The following RIF1 variants were observed in gnomAD, a reference collection of about 807,000 sequenced individuals.
The protein encoded by RIF1 is replication timing regulatory factor 1.
A neutral mutation model predicts 247.1 loss-of-function variants in RIF1; 45 were observed. The ratio of observed to expected loss-of-function variants is 0.18; its 90% CI spans 0.14 to 0.23. RIF1 has a LOEUF of 0.23. Ranked by LOEUF, RIF1 falls within the 10% of genes least tolerant of loss-of-function variation. RIF1 has a pLI of 1.00. For missense variants in RIF1, 2,967 were observed against 2,862.5 expected (o/e 1.04, Z -0.83); for synonymous variants, 1,087 against 978.8 (o/e 1.11, Z -2.06).
At position 151,464,247 on chromosome 2, in the gene RIF1, G is replaced by C; in HGVS notation, c.4727G>C (p.Ser1576Thr). 1 of 1,613,882 alleles carries C rather than the reference G, an allele frequency of 6.2e-7. No individual in the cohort carries two copies. Residue 1576 changes from serine (S) to threonine (T), a missense_variant, in exon 30 of 36, where the codon AGC becomes ACC. Physicochemically the swap from Ser to Thr is moderately conservative, Grantham distance 58. Around this residue, in one of 7 missense-constraint regions of RIF1, gnomAD observed 2,028 missense variants for 1,825.6 expected, o/e 1.11. Transcript: ENST00000444746. ...AGATCTGGAAAATGGAAAAACAAAAGCAATGAAAGTGTTGACATTCAAGAT... is the reference window on the plus strand; with the variant it reads ...AGATCTGGAAAATGGAAAAACAAAACCAATGAAAGTGTTGACATTCAAGAT... ...KKRSGKWKNK[S>T]NESVDIQDQE...
At chr2:151,497,575 A>C (rs572112088) in intron 10 of RIF1, 85 of 1,536,696 alleles carry the variant, frequency 5.5e-5, no homozygotes, top group Admixed American at 8.2e-5. Flanking sequence ...AAATCATGAA[A>C]GTTTTCAAAA....
rs1686623495 is a variant in RIF1 at position 151,413,363 on chromosome 2, A to G, written c.184-1460A>G. Among the ~76,000 whole-genome samples, 3 of 152,178 alleles carry G rather than the reference A, an allele frequency of 2.0e-5. No homozygotes were observed. The South Asian group carries it at 6.2e-4, about 32-fold the overall frequency. On this transcript the variant is annotated intron_variant, in intron 3 of 35. Transcript: ENST00000444746. ...GAGTCAAGTTGCATTGTTCGTAAAT[A>G]GGATTTGTACCTGAAATTATTTGGA...
At chr2:151,427,254 C>G (rs1689263082) in intron 8 of RIF1, among the ~76,000 whole-genome samples, 1 of 151,312 alleles carries the variant, frequency 6.6e-6, no homozygotes. Flanking sequence ...CTCTTGTTGC[C>G]CAGGCTGGAG....
chr2:151,424,822 CTGAT>C (rs2152233644), intron 8 of RIF1, among the ~76,000 whole-genome samples: 1 of 107,024 alleles, frequency 9.3e-6, no homozygotes, highest in Non-Finnish European at 1.8e-5. Context: ...CCCAGCCCGG[CTGAT>C]TTTTTTTTTT....
chr2:151,496,838 C>A, intron 10 of RIF1: 1 of 1,319,762 alleles, frequency 7.6e-7, no homozygotes, highest in South Asian at 1.4e-5. Context: ...GAAAGAAGTT[C>A]ACAAAATTTG....
intron 6 of RIF1, among the ~76,000 whole-genome samples, chr2:151,419,615 C>T (rs1687832808): frequency 6.6e-6 from 1 of 152,142 alleles, no homozygotes. Context: ...TGAGCCACTG[C>T]ACCCGGCCGG....
intron 9 of RIF1, chr2:151,492,088 G>A: frequency 6.2e-7 from 1 of 1,613,062 alleles, no homozygotes; most frequent in African/African-American, 1.3e-5. Context: ...CCCAACCCAG[G>A]CTCAGTTACC....
intron 11 of RIF1, among the ~76,000 whole-genome samples, 189 bp from the exon 12 acceptor site, chr2:151,436,633 ATTATT>A (rs1275075500): frequency 2.0e-5 from 3 of 148,896 alleles, no homozygotes; most frequent in Admixed American, 6.7e-5. Flanking sequence ...TGTCATATGT[ATTATT>A]TTGTTTGCCA....
intron 9 of RIF1, among the ~76,000 whole-genome samples, chr2:151,494,756 C>A (rs1318304699): frequency 1.3e-5 from 2 of 152,198 alleles, no homozygotes; most frequent in Non-Finnish European, 2.9e-5. Flanking sequence ...TCAAGTGATT[C>A]TTCTGCCTCA....
intron 25 of RIF1, among the ~76,000 whole-genome samples, chr2:151,459,374 G>GATAAA (rs1695759322): frequency 6.6e-6 from 1 of 152,150 alleles, no homozygotes. Context: ...TAAAGGCACG[G>GATAAA]GTACTATAGA....
In RIF1 at chr2:151,496,941, C is replaced by T. The variant is rs527744844; in HGVS notation, c.*513+1615C>T. The T allele has an allele frequency of 8.9e-6, 14 of 1,569,314 alleles. No individual in the cohort carries two copies. The East Asian group carries it at 9.2e-5, about 10-fold the overall frequency. ...TTTTTTTCTTTTCTTGCCCAAGTAC[C>T]GAGCTAATATTTTCTTGATTGTGTT... On this transcript the variant is annotated intron_variant and NMD_transcript_variant, in intron 10 of 13. Coordinates refer to the RIF1 transcript ENST00000454583.
At chr2:151,468,175 T>C (rs781259668) in intron 31 of RIF1, 29 bp downstream of exon 31, 31 of 1,555,286 alleles carry the variant, frequency 2.0e-5, no homozygotes, top group East Asian at 4.5e-5. Context: ...AATATACATA[T>C]ATGTATACCG....
chr2:151,422,157 C>G (rs1688298588), intron 7 of RIF1, among the ~76,000 whole-genome samples: 1 of 152,074 alleles, frequency 6.6e-6, no homozygotes, highest in Non-Finnish European at 1.5e-5. Context: ...ACCCATTTAT[C>G]AAGCTTGCAA....
chr2:151,432,944 C>A, intron 9 of RIF1, 133 bp from the exon 10 acceptor site: 2 of 626,386 alleles, frequency 3.2e-6, no homozygotes, highest in Non-Finnish European at 5.1e-6. Context: ...GCAAGGACAG[C>A]CTGGGGATTT....
chr2:151,451,802 A>G (rs1051422695), intron 21 of RIF1, 97 bp downstream of exon 21: 1 of 657,322 alleles, frequency 1.5e-6, no homozygotes, highest in Non-Finnish European at 2.8e-6. Context: ...ACCTCATTTT[A>G]CTAACTTTTG....
At chr2:151,529,704 A>G in the RIF1 span, among the ~76,000 whole-genome samples, 1 of 151,866 alleles carries the variant, frequency 6.6e-6, no homozygotes, top group Non-Finnish European at 1.5e-5. Context: ...CTAATTTTGT[A>G]TTTTAGTAGA....
At chr2:151,423,825 C>G (rs1223719853) in intron 8 of RIF1, 1 of 152,182 alleles carries the variant, frequency 6.6e-6, no homozygotes, top group Non-Finnish European at 1.5e-5. Flanking sequence ...TATACATGTT[C>G]TAACCATTTG....
intron 21 of RIF1, among the ~76,000 whole-genome samples, chr2:151,452,108 T>C (rs1410621900): frequency 6.6e-6 from 1 of 152,202 alleles, no homozygotes; most frequent in Non-Finnish European, 1.5e-5. Context: ...GAATTGACAT[T>C]ATAATTTAAA....
At chr2:151,416,535 C>G (rs776457636) in intron 4 of RIF1, 26 bp from the exon 5 acceptor site, 1 of 1,569,972 alleles carries the variant, frequency 6.4e-7, no homozygotes, top group Non-Finnish European at 8.6e-7. Context: ...CTATTCTATA[C>G]AAAATTAAAA....
Sources: allele counts gnomAD v4.1 joint callset (sites outside exome capture counted in the v4.1 genomes callset), GRCh38; gene constraint gnomAD v4.1.1; regional missense constraint gnomAD v4.1.1; transcripts MANE v1.5; gene names NCBI Gene and HGNC (gene_info 2026-07-23, HGNC 2026-07-21).